ZNF561: variants seen among roughly 807,000 people sequenced by gnomAD.
The protein encoded by ZNF561 is zinc finger protein 561.
Under a neutral mutation model 16.7 loss-of-function variants are expected in ZNF561, and 16 were observed. That is an observed-to-expected ratio of 0.96 (90% CI 0.65 to 1.45). The LOEUF is 1.45. Ranked by LOEUF, ZNF561 falls within the 40% of genes most tolerant of loss-of-function variation. The probability of loss-of-function intolerance (pLI) is 0.00; values close to 1 mark genes in which losing one functional copy is unlikely to be tolerated. For synonymous variants in ZNF561, 190 were observed against 192.1 expected, an observed-to-expected ratio of 0.99 and a Z score of 0.09; for missense variants, 580 against 578.0, an observed-to-expected ratio of 1.00 and a Z score of -0.04.
At chr19:9,618,487 G>T (rs1374876696) in intron 2 of ZNF561, among the ~76,000 whole-genome samples, 1 of 152,136 alleles carries the variant, frequency 6.6e-6, no homozygotes, top group Non-Finnish European at 1.5e-5. Context: ...AGCACTTTGG[G>T]AGGCCGAGGC....
intron 4 of ZNF561, chr19:9,614,333 G>T (rs878920339): frequency 4.4e-6 from 2 of 458,342 alleles, no homozygotes; most frequent in South Asian, 4.7e-5. Flanking sequence ...AAAATGCCGG[G>T]AGTGGTGGCT....
Position 9,609,094 on chromosome 19 carries a change from A to C in ZNF561, c.*1106T>G, listed in dbSNP as rs1315730242. 6.6e-6 allele frequency: 1 copy of C among 152,230 alleles called. No homozygotes were observed. Among genetic ancestry groups the C allele is most frequent in the Non-Finnish European group, 1.5e-5 (1 of 68,046 alleles). 9.4% of individuals were successfully genotyped at this position (152,230 alleles called of 1,614,324 possible). ...GCATTCCTAAACCACAAACAATACCATGAGTGATTTGTGCCTTAAGGACAT... is the reference window on the plus strand; with the variant it reads ...GCATTCCTAAACCACAAACAATACCCTGAGTGATTTGTGCCTTAAGGACAT... On this transcript the variant is annotated 3_prime_UTR_variant, in exon 6 of 6. Transcript: ENST00000302851.
intron 2 of ZNF561, among the ~76,000 whole-genome samples, chr19:9,618,821 TA>T (rs756059464): frequency 2.0e-5 from 3 of 151,308 alleles, no homozygotes; most frequent in Non-Finnish European, 2.9e-5. Flanking sequence ...GGCTGAATTC[TA>T]AAACAGCATT....
rs775685475 is a variant in ZNF561, at chr19:9,610,617, C to T, written c.1044G>A (p.Gln348=). ...ECKECGQAFA[Q]YSGLSIHIRS... ...GTATGTGTATAGAAAGGCCCGAGTA[C>T]TGAGCAAAGGCTTGGCCACATTCCT... The change falls in exon 6 of 6, where the codon CAG becomes CAA. Residue 348 remains glutamine (Q), a synonymous_variant. Coordinates refer to ENST00000302851, the MANE Select transcript of ZNF561 (RefSeq NM_152289.3). 1.2e-6 allele frequency: 2 copies of T among 1,613,762 alleles called. No homozygotes were observed. The highest frequency in any genetic ancestry group is 1.7e-6 in the Non-Finnish European group (2 of 1,179,836).
chr19:9,618,561 C>T (rs550956604), intron 2 of ZNF561, among the ~76,000 whole-genome samples: 1 of 151,778 alleles, frequency 6.6e-6, no homozygotes, highest in Non-Finnish European at 1.5e-5. Flanking sequence ...CCCATCTCTA[C>T]TAAAAATACA....
At position 9,608,276 on chromosome 19, in the gene ZNF561, AGAG is replaced by A. The variant is rs2074385930; in HGVS notation, c.*1921_*1923del. The A allele has an allele frequency of 6.6e-6, 1 of 151,488 alleles. No homozygotes were observed. The highest frequency in any genetic ancestry group is 1.5e-5 in the Non-Finnish European group (1 of 67,886). 9.4% of individuals were successfully genotyped at this position (151,488 alleles called of 1,614,324 possible). On this transcript the variant is annotated 3_prime_UTR_variant, in exon 6 of 6. Coordinates refer to ENST00000302851, the MANE Select transcript of ZNF561 (RefSeq NM_152289.3). ...AGAGATGGTGGGGAGAGAGAGAGAA[AGAG>A]GAGAGAGGAGAGAGGAGAAAGGAGA...
chr19:9,619,893 C>CTATCTATA (rs1349557404), intron 1 of ZNF561, among the ~76,000 whole-genome samples: 13 of 145,760 alleles, frequency 8.9e-5, no homozygotes, highest in African/African-American at 2.6e-4. Flanking sequence ...ATCTATATAT[C>CTATCTATA]TATCTATATC....
In ZNF561 at chr19:9,610,050, G is replaced by A. The variant is rs2074417039; in HGVS notation, c.*150C>T. On this transcript the variant is annotated 3_prime_UTR_variant, in exon 6 of 6. Transcript: ENST00000302851. ...ATGCCCAGACTCAGGCAACCATGAT[G>A]TTGTATTCAGAACCTGTAGGTTTAA... The A allele has an allele frequency of 7.3e-6, 5 of 689,440 alleles. No homozygotes were observed. Among genetic ancestry groups the A allele is most frequent in the African/African-American group, 7.2e-5 (4 of 55,794 alleles). The allele number at this position is 689,440 out of a possible 1,614,324, so 42.7% of individuals were successfully genotyped here.
In ZNF561 at chr19:9,608,542, A is replaced by G. The variant is rs537905933; in HGVS notation, c.*1658T>C. On this transcript the variant is annotated 3_prime_UTR_variant, in exon 6 of 6. Transcript: ENST00000302851. Reference sequence around the variant, plus strand: ...TTGTGATAGTGGCCTGAGCTCATTAAGGCAGATTAAAAACAAACAAACAAA... The same window carrying G: ...TTGTGATAGTGGCCTGAGCTCATTAGGGCAGATTAAAAACAAACAAACAAA... The G allele has an allele frequency of 6.6e-6, 1 of 152,322 alleles. No individual in the cohort carries two copies. Among genetic ancestry groups the G allele is most frequent in the East Asian group, 1.9e-4 (1 of 5,182 alleles). 9.4% of individuals were successfully genotyped at this position (152,322 alleles called of 1,614,324 possible). A position where few individuals can be genotyped will look rare whatever the true frequency, so the allele number is the denominator to read the frequency against.
intron 4 of ZNF561, 32 bp from the exon 5 acceptor site, chr19:9,614,135 T>C (rs1338658787): frequency 6.2e-7 from 1 of 1,606,988 alleles, no homozygotes; most frequent in Non-Finnish European, 8.5e-7. Flanking sequence ...AACGTAAGGA[T>C]TTAGAGAAGA....
chr19:9,615,295 T>C (rs1385607668), intron 4 of ZNF561, among the ~76,000 whole-genome samples: 1 of 152,062 alleles, frequency 6.6e-6, no homozygotes, highest in African/African-American at 2.4e-5. Flanking sequence ...AAAACTTTTA[T>C]TTCAGTAAGA....
In ZNF561 at chr19:9,610,692, T is replaced by G. The variant is rs749414318; in HGVS notation, c.969A>C (p.Gln323His). 1 of 1,614,092 alleles carries G rather than the reference T, an allele frequency of 6.2e-7. No individual in the cohort carries two copies. The highest frequency in any genetic ancestry group is 8.5e-7 in the Non-Finnish European group (1 of 1,179,992). ...TGTGAGTTCTTACATGTTCAGTAAG[T>G]TGAGTTGATCTAGTGAAGGCTTTCC... is the stretch of plus-strand genomic sequence containing the variant. ...YCGKAFTRST[Q>H]LTEHVRTHTG... Residue 323 changes from glutamine to histidine, a missense_variant, in exon 6 of 6, where the codon CAA (glutamine) becomes CAC (histidine). Physicochemically the swap from Gln to His is conservative, Grantham distance 24. Coordinates refer to ENST00000302851, the MANE Select transcript of ZNF561 (RefSeq NM_152289.3).
chr19:9,610,794 G>C lies in ZNF561; in HGVS notation c.867C>G (p.Ser289=), dbSNP rs1451907480. The C allele has an allele frequency of 3.7e-6, 6 of 1,614,014 alleles. No homozygotes were observed. The Admixed American group carries it at 8.3e-5, about 22-fold the overall frequency. ...KSFECKECGR[S]FRNSSCLNDH... ...CATTAAGGCATGAGGAATTTCTAAA[G>C]GATCTTCCACATTCTTTACATTCAA... The change falls in exon 6 of 6, where the codon TCC becomes TCG. Residue 289 remains serine (S), a synonymous_variant. Coordinates refer to ENST00000302851, the MANE Select transcript of ZNF561 (RefSeq NM_152289.3).
intron 5 of ZNF561, 70 bp from the exon 6 acceptor site, chr19:9,611,406 A>G: frequency 7.0e-7 from 1 of 1,436,274 alleles, no homozygotes; most frequent in Non-Finnish European, 9.3e-7. Context: ...ATCTGAACAC[A>G]GAAGCATTTT....
At position 9,610,793 on chromosome 19, in the gene ZNF561, AG is replaced by A. The variant is rs760041620; in HGVS notation, c.867del (p.Phe290LeufsTer17). On this transcript the variant is annotated frameshift_variant, in exon 6 of 6. Coordinates refer to ENST00000302851, the MANE Select transcript of ZNF561 (RefSeq NM_152289.3). LOFTEE classifies it low-confidence loss of function (END_TRUNC). ...TCATTAAGGCATGAGGAATTTCTAA[AG>A]GATCTTCCACATTCTTTACATTCAA... ...KSFECKECGR[S>X]FRNSSCLNDH... The A allele has an allele frequency of 8.1e-6, 13 of 1,613,992 alleles. No individual in the cohort carries two copies. The highest frequency in any genetic ancestry group is 1.1e-5 in the Non-Finnish European group (13 of 1,180,006).
In ZNF561 at chr19:9,619,429, T is replaced by G. The variant is rs1455248892; in HGVS notation, c.25+3A>C. 6.2e-7 allele frequency: 1 copy of G among 1,613,270 alleles called. No homozygotes were observed. Among genetic ancestry groups the G allele is most frequent in the East Asian group, 2.2e-5 (1 of 44,828 alleles). The stretch of plus-strand genomic sequence containing the variant: ...CTGAAAAAGAGCATCAACAAAGACT[T>G]ACCACGGGACAAATAAATGGCTGCC... On this transcript the variant is annotated splice_donor_region_variant and intron_variant, in intron 2 of 5. Transcript: ENST00000302851.
chr19:9,619,415 C>A lies in ZNF561; in HGVS notation c.25+17G>T. Reference sequence around the variant, plus strand: ...CTAAAGCAGAATCTCTGAAAAAGAGCATCAACAAAGACTTACCACGGGACA... The same window carrying A: ...CTAAAGCAGAATCTCTGAAAAAGAGAATCAACAAAGACTTACCACGGGACA... On this transcript the variant is annotated intron_variant, in intron 2 of 5. Coordinates refer to ENST00000302851, the MANE Select transcript of ZNF561 (RefSeq NM_152289.3). 2 of 1,611,932 alleles carry A rather than the reference C, an allele frequency of 1.2e-6. No individual in the cohort carries two copies. Among genetic ancestry groups the A allele is most frequent in the Non-Finnish European group, 1.7e-6 (2 of 1,178,736 alleles).
chr19:9,610,703 T>C lies in ZNF561; in HGVS notation c.958A>G (p.Arg320Gly), dbSNP rs1398458592. Residue 320 changes from arginine (R) to glycine (G), a missense_variant, in exon 6 of 6, where the codon AGA becomes GGA. By Grantham distance (125) the Arg-to-Gly change is moderately radical. Transcript: ENST00000302851. ...ACATGTTCAGTAAGTTGAGTTGATCTAGTGAAGGCTTTCCCACAGTAAGTA... is the reference window on the plus strand; with the variant it reads ...ACATGTTCAGTAAGTTGAGTTGATCCAGTGAAGGCTTTCCCACAGTAAGTA... ...KCTYCGKAFTRSTQLTEHVRT... is the reference protein window; with the variant it reads ...KCTYCGKAFTGSTQLTEHVRT... 6.2e-7 allele frequency: 1 copy of C among 1,614,170 alleles called. No individual in the cohort carries two copies. Among genetic ancestry groups the C allele is most frequent in the Non-Finnish European group, 8.5e-7 (1 of 1,180,012 alleles).
At chr19:9,620,682 C>A (rs1245610925) in intron 1 of ZNF561, among the ~76,000 whole-genome samples, 2 of 152,308 alleles carry the variant, frequency 1.3e-5, no homozygotes. Flanking sequence ...ATTCAGTAGT[C>A]ACCAGCCACG....
Sources: gnomAD v4.1 joint callset for allele counts (sites outside exome capture counted in the v4.1 genomes callset) on GRCh38, gnomAD v4.1.1 for gene constraint, MANE v1.5 for transcripts, NCBI Gene and HGNC (gene_info 2026-07-23, HGNC 2026-07-21) for gene names.